The following PTPRK variants were observed in gnomAD, a reference collection of about 807,000 sequenced individuals.
The protein encoded by PTPRK is receptor-type tyrosine-protein phosphatase kappa.
In PTPRK, 75 loss-of-function variants were observed where a neutral mutation model predicts 178.0. The ratio of observed to expected loss-of-function variants is 0.42; its 90% confidence interval spans 0.35 to 0.51. The LOEUF is 0.51. Ranked by LOEUF, PTPRK falls within the 20% of genes least tolerant of loss-of-function variation. The probability of loss-of-function intolerance (pLI) is 0.02; values close to 1 mark genes in which losing one functional copy is unlikely to be tolerated. For synonymous variants in PTPRK, 637 were observed against 620.6 expected, an observed-to-expected ratio of 1.03 and a Z score of -0.39; for missense variants, 1,441 against 1,797.8, an observed-to-expected ratio of 0.80 and a Z score of 3.59.
At chr6:128,199,952 A>T (rs1392143065) in intron 6 of PTPRK, among the ~76,000 whole-genome samples, 1 of 152,224 alleles carries the variant, frequency 6.6e-6, no homozygotes, top group Non-Finnish European at 1.5e-5. Flanking sequence ...GATCAAGTAT[A>T]GGTTAGAAGG....
At chr6:128,195,019 T>C (rs1804615141) in intron 6 of PTPRK, among the ~76,000 whole-genome samples, 1 of 152,088 alleles carries the variant, frequency 6.6e-6, no homozygotes, top group Non-Finnish European at 1.5e-5. Context: ...GTGTGTAATA[T>C]ACATATATGC....
chr6:128,226,742 A>T (rs938468898), intron 5 of PTPRK, among the ~76,000 whole-genome samples: 1 of 139,722 alleles, frequency 7.2e-6, no homozygotes, highest in Non-Finnish European at 1.5e-5. Flanking sequence ...TACTATATGT[A>T]ATCTTATAAT....
rs557678159 is a variant in PTPRK at position 128,164,179 on chromosome 6, ATATC to A, written c.1162+20249_1162+20252del. Among the ~76,000 whole-genome samples the A allele has an allele frequency of 2.1e-3, 315 of 151,586 alleles. 1 individual carries two copies. Among genetic ancestry groups the A allele is most frequent in the Middle Eastern group, 3.4e-3 (1 of 294 alleles). On this transcript the variant is annotated intron_variant, in intron 7 of 29. Transcript: ENST00000368226. ...TAGCAACTATTGTGTTTACACATAA[ATATC>A]TATACCAAGATAAAGATATTTCAAA...
chr6:128,391,300 C>G (rs74424433), intron 2 of PTPRK, among the ~76,000 whole-genome samples: 2 of 152,036 alleles, frequency 1.3e-5, no homozygotes, highest in African/African-American at 4.8e-5. Context: ...TTCCTCTCCC[C>G]ATTACCACCA....
At chr6:128,248,101 A>G (rs986898165) in intron 3 of PTPRK, among the ~76,000 whole-genome samples, 1 of 152,242 alleles carries the variant, frequency 6.6e-6, no homozygotes, top group Non-Finnish European at 1.5e-5. Flanking sequence ...ACACAAAGAT[A>G]GAATGACACT....
chr6:128,471,827 A>T (rs1850705436), intron 1 of PTPRK, among the ~76,000 whole-genome samples: 1 of 152,104 alleles, frequency 6.6e-6, no homozygotes, highest in Non-Finnish European at 1.5e-5. Context: ...AAATGAGTTG[A>T]ATATCGTCAT....
intron 2 of PTPRK, among the ~76,000 whole-genome samples, chr6:128,374,270 C>T (rs1836706351): frequency 6.6e-6 from 1 of 152,168 alleles, no homozygotes; most frequent in Admixed American, 6.5e-5. Context: ...GTCCTTGCAA[C>T]TCTTCTGCTC....
At chr6:128,266,133 A>C (rs1043062641) in intron 3 of PTPRK, among the ~76,000 whole-genome samples, 1 of 152,152 alleles carries the variant, frequency 6.6e-6, no homozygotes, top group Non-Finnish European at 1.5e-5. Flanking sequence ...AGCAGACTGA[A>C]GTGACTAAGC....
intron 13 of PTPRK, among the ~76,000 whole-genome samples, chr6:128,041,486 G>A (rs1372446410): frequency 6.6e-6 from 1 of 151,968 alleles, no homozygotes; most frequent in African/African-American, 2.4e-5. Context: ...CTTCAATGAG[G>A]CCAAACTGGA....
chr6:128,038,041 C>A (rs1217456014), intron 13 of PTPRK, among the ~76,000 whole-genome samples: 4 of 152,132 alleles, frequency 2.6e-5, no homozygotes, highest in Non-Finnish European at 5.9e-5. Context: ...AGATGTTTCA[C>A]AGCAATGTGA....
At chr6:128,243,512 A>AT (rs1814885567) in intron 3 of PTPRK, among the ~76,000 whole-genome samples, 1 of 149,088 alleles carries the variant, frequency 6.7e-6, no homozygotes, top group Non-Finnish European at 1.5e-5. Context: ...AAAAAAAAAA[A>AT]AGAAAAGAAA....
intron 6 of PTPRK, among the ~76,000 whole-genome samples, chr6:128,201,711 T>C (rs1273787958): frequency 6.6e-6 from 1 of 151,868 alleles, no homozygotes; most frequent in Admixed American, 6.6e-5. Context: ...AATATATATA[T>C]TTTACTAAAT....
At chr6:128,146,424 A>ATGTGTGTG (rs35899707) in intron 7 of PTPRK, among the ~76,000 whole-genome samples, 1 of 136,000 alleles carries the variant, frequency 7.4e-6, no homozygotes, top group Middle Eastern at 3.6e-3. Flanking sequence ...GTGTGTGTTT[A>ATGTGTGTG]TGTGTGTGTG....
At chr6:128,514,616 CG>C (rs1857677681) in intron 1 of PTPRK, among the ~76,000 whole-genome samples, 1 of 152,132 alleles carries the variant, frequency 6.6e-6, no homozygotes, top group Non-Finnish European at 1.5e-5. Flanking sequence ...AGTGGAAACA[CG>C]GATTATTCCA....
rs35030557 is a variant in PTPRK at position 128,067,654 on chromosome 6, G to A, written c.2022C>T (p.Leu674=). The part of the protein sequence containing the change: ...GGAPYYFAAE[L]PPGNLPEPAP... Reference sequence around the variant, plus strand: ...CAGGCTCAGGTAGGTTTCCCGGGGGGAGTTCTGCAGCAAAGTAATACGGTG... The same window carrying A: ...CAGGCTCAGGTAGGTTTCCCGGGGGAAGTTCTGCAGCAAAGTAATACGGTG... The change falls in exon 12 of 30, where the codon CTC becomes CTT. Residue 674 remains leucine, a synonymous_variant. Transcript: ENST00000368226. 2 of 1,613,260 alleles carry A rather than the reference G, an allele frequency of 1.2e-6. No individual in the cohort carries two copies. Among genetic ancestry groups the A allele is most frequent in the South Asian group, 2.2e-5 (2 of 91,004 alleles).
intron 1 of PTPRK, among the ~76,000 whole-genome samples, chr6:128,406,016 G>A (rs1194998612): frequency 6.6e-6 from 1 of 151,478 alleles, no homozygotes; most frequent in Non-Finnish European, 1.5e-5. Flanking sequence ...CAAAAAAAAA[G>A]AACACTTTTT....
rs187659484 is a variant in PTPRK, at chr6:128,159,702, C to G, written c.1162+24730G>C. On this transcript the variant is annotated intron_variant, in intron 7 of 29. Coordinates refer to ENST00000368226, the MANE Select transcript of PTPRK (RefSeq NM_002844.4). ...AAAAAAAAATACAGATGGACGTAAA[C>G]TTGTACAGGACCTCTAAAAGTCTGC... Among the ~76,000 whole-genome samples the G allele has an allele frequency of 1.4e-4, 21 of 151,794 alleles. No homozygotes were observed. In the East Asian group the frequency reaches 3.7e-3, roughly 27 times the overall value.
chr6:128,404,943 T>G (rs898816850), intron 1 of PTPRK, among the ~76,000 whole-genome samples: 3 of 152,152 alleles, frequency 2.0e-5, no homozygotes, highest in South Asian at 4.1e-4. Context: ...TTCAGAATTA[T>G]CCAGTACAGC....
At chr6:128,314,910 T>C (rs17055628) in intron 3 of PTPRK, among the ~76,000 whole-genome samples, 12,184 of 151,752 alleles carry the variant, frequency 0.08, 568 homozygotes, top group African/African-American at 0.12. Flanking sequence ...AATATACGTA[T>C]CAGAAAAACA....
Sources: allele counts gnomAD v4.1 joint callset (sites outside exome capture counted in the v4.1 genomes callset), GRCh38; gene constraint gnomAD v4.1.1; transcripts MANE v1.5; gene names NCBI Gene and HGNC (gene_info 2026-07-23, HGNC 2026-07-21).